Variants in N4BP2L2 observed in about 807,000 individuals in gnomAD.
The protein encoded by N4BP2L2 is NEDD4-binding protein 2-like 2.
N4BP2L2 carries 50 observed loss-of-function variants against 56.2 expected under a neutral mutation model. That is an observed-to-expected ratio of 0.89 (90% CI 0.71 to 1.13). The LOEUF (loss-of-function observed/expected upper bound fraction) is 1.13. Ranked by LOEUF, N4BP2L2 falls within the 50% of genes most tolerant of loss-of-function variation. The probability of loss-of-function intolerance (pLI) is 0.00; values close to 1 mark genes in which losing one functional copy is unlikely to be tolerated. For missense variants in N4BP2L2, 689 were observed against 693.8 expected, an observed-to-expected ratio of 0.99 and a Z score of 0.08; for synonymous variants, 203 against 223.6, an observed-to-expected ratio of 0.91 and a Z score of 0.82.
intron 6 of N4BP2L2, among the ~76,000 whole-genome samples, chr13:32,473,758 C>T (rs745945126): frequency 6.6e-6 from 1 of 152,172 alleles, no homozygotes; most frequent in African/African-American, 2.4e-5. Flanking sequence ...TGCCTTTCTC[C>T]CATAGTCACG....
Position 32,438,873 on chromosome 13 carries a change from T to A in N4BP2L2, c.2105-136A>T. 4.8e-6 allele frequency: 3 copies of A among 620,394 alleles called. No individual in the cohort carries two copies. In the South Asian group the frequency reaches 5.9e-5, roughly 12 times the overall value. 38.4% of individuals were successfully genotyped at this position (620,394 alleles called of 1,614,324 possible). Reference sequence around the variant, plus strand: ...GTTTTAAAGATATTTCGGTGATGTCTAAAGCTGGAGTTTGTCTCAGATCTC... The same window carrying A: ...GTTTTAAAGATATTTCGGTGATGTCAAAAGCTGGAGTTTGTCTCAGATCTC... On this transcript the variant is annotated intron_variant, in intron 7 of 9. Transcript: ENST00000357505.
intron 6 of N4BP2L2, among the ~76,000 whole-genome samples, chr13:32,473,726 C>T (rs890652942): frequency 4.6e-5 from 7 of 152,204 alleles, no homozygotes; most frequent in Admixed American, 3.9e-4. Context: ...ATTTTCAAAT[C>T]CAGCAACACT....
chr13:32,465,851 A>T (rs2081129421), intron 6 of N4BP2L2, among the ~76,000 whole-genome samples: 1 of 152,046 alleles, frequency 6.6e-6, no homozygotes, highest in Non-Finnish European at 1.5e-5. Context: ...ACAGGGTTTC[A>T]CCATGTTGGT....
At chr13:32,443,369 C>G in exon 7 of N4BP2L2, 1 of 1,614,022 alleles carries the variant, frequency 6.2e-7, no homozygotes. Context: ...TGAGGTCCTG[C>G]AGGCCAGCTA....
chr13:32,536,622 G>C lies in N4BP2L2; in HGVS notation c.406C>G (p.Arg136Gly), dbSNP rs202129118. Residue 136 changes from arginine (R) to glycine (G), a missense_variant, in exon 2 of 6, where the codon CGT becomes GGT. By Grantham distance (125) the Arg-to-Gly change is moderately radical. Transcript: ENST00000267068. ...TGTGCCTCATTCCTCCCTTCATTAC[G>C]TTTCTTTTTCTCAGGGGGTTTGTAA... is the stretch of plus-strand genomic sequence containing the variant. 8 of 1,613,492 alleles carry C rather than the reference G, an allele frequency of 5.0e-6. No individual in the cohort carries two copies. The South Asian group carries it at 6.6e-5, about 13-fold the overall frequency.
At chr13:32,515,748 T>A (rs1045813645) in exon 6 of N4BP2L2, 1 of 152,178 alleles carries the variant, frequency 6.6e-6, no homozygotes, top group African/African-American at 2.4e-5. Flanking sequence ...AACTAATTTT[T>A]TTTTTTGAGA....
intron 6 of N4BP2L2, among the ~76,000 whole-genome samples, chr13:32,497,694 CAGT>C (rs370008866): frequency 1.2e-3 from 190 of 152,342 alleles, no homozygotes; most frequent in African/African-American, 4.3e-3. Context: ...ATATGCCTCT[CAGT>C]AGAATGAGCC....
At chr13:32,479,623 CAAA>C (rs796450349) in intron 6 of N4BP2L2, among the ~76,000 whole-genome samples, 1 of 124,678 alleles carries the variant, frequency 8.0e-6, no homozygotes, top group Admixed American at 8.2e-5. Flanking sequence ...TCTTCAGAAG[CAAA>C]AAAAAAAAGG....
chr13:32,503,637 G>A (rs1047952726), intron 6 of N4BP2L2, among the ~76,000 whole-genome samples: 3 of 152,252 alleles, frequency 2.0e-5, no homozygotes, highest in Admixed American at 2.0e-4. Context: ...TTTAGGCAGT[G>A]TAAAGGACAA....
At chr13:32,478,350 T>A in intron 6 of N4BP2L2, 1 of 246,748 alleles carries the variant, frequency 4.1e-6, no homozygotes, top group Admixed American at 4.7e-5. Flanking sequence ...ATAACGCAAT[T>A]TCTTACCCTG....
At chr13:32,510,348 A>G (rs2091582315) in exon 6 of N4BP2L2, 1 of 152,148 alleles carries the variant, frequency 6.6e-6, no homozygotes, top group Non-Finnish European at 1.5e-5. Flanking sequence ...TTAAAATAAT[A>G]AAATATTAAA....
At chr13:32,519,034 G>C (rs1006032639) in intron 5 of N4BP2L2, among the ~76,000 whole-genome samples, 1 of 151,738 alleles carries the variant, frequency 6.6e-6, no homozygotes, top group African/African-American at 2.4e-5. Context: ...ATTTATCTTG[G>C]AAAAAGGCCA....
chr13:32,518,004 C>T lies in N4BP2L2; in HGVS notation c.1551-1G>A. Reference sequence around the variant, plus strand: ...TCGAGACACACCATGTTTATTCCTCCTAACAAAAAAGAAAAGGATTGTAAA... The same window carrying T: ...TCGAGACACACCATGTTTATTCCTCTTAACAAAAAAGAAAAGGATTGTAAA... On this transcript the variant is annotated splice_acceptor_variant, in intron 5 of 5. Transcript: ENST00000267068. LOFTEE classifies it high-confidence loss of function. 2.5e-6 allele frequency: 4 copies of T among 1,610,498 alleles called. No individual in the cohort carries two copies. The highest frequency in any genetic ancestry group is 3.4e-6 in the Non-Finnish European group (4 of 1,179,064).
chr13:32,451,437 T>C (rs2077996469), intron 6 of N4BP2L2, among the ~76,000 whole-genome samples: 1 of 152,056 alleles, frequency 6.6e-6, no homozygotes, highest in African/African-American at 2.4e-5. Context: ...TTTTAAAAGA[T>C]AAAAGATTAA....
Position 32,443,541 on chromosome 13 carries a change from TGA to T in N4BP2L2, c.949_950del (p.Ser317ThrfsTer2). The stretch of plus-strand genomic sequence containing the variant: ...GTTGATGGCACAGAATGGGTTCATG[TGA>T]GAGATTTTTATCTACTATTTCTCTC... On this transcript the variant is annotated frameshift_variant, in exon 7 of 10. Transcript: ENST00000357505. LOFTEE classifies it high-confidence loss of function. 1.2e-6 allele frequency: 2 copies of T among 1,610,580 alleles called. No individual in the cohort carries two copies. The highest frequency in any genetic ancestry group is 1.3e-5 in the African/African-American group (1 of 75,036).
chr13:32,511,606 A>G (rs2048147711), exon 6 of N4BP2L2: 2 of 152,202 alleles, frequency 1.3e-5, no homozygotes, highest in Non-Finnish European at 2.9e-5. Flanking sequence ...CTAAATGCAG[A>G]GCTGTGGTGT....
At chr13:32,508,214 G>C (rs9315168), downstream of N4BP2L2, 22,787 of 152,034 alleles carry the variant, frequency 0.15, 2,285 homozygotes, top group East Asian at 0.41. Flanking sequence ...AAATGGAGTT[G>C]GTTCAATATT....
chr13:32,469,922 G>A (rs1350700801), intron 6 of N4BP2L2, among the ~76,000 whole-genome samples: 1 of 152,194 alleles, frequency 6.6e-6, no homozygotes, highest in Non-Finnish European at 1.5e-5. Context: ...ACTGGCTGAG[G>A]TGCCTTGCTC....
At chr13:32,437,171 C>T (rs1250045722) in intron 8 of N4BP2L2, among the ~76,000 whole-genome samples, 1 of 152,118 alleles carries the variant, frequency 6.6e-6, no homozygotes, top group Non-Finnish European at 1.5e-5. Context: ...GCATGAGCCA[C>T]CACGCCTGGC....
Sources: allele counts gnomAD v4.1 joint callset (sites outside exome capture counted in the v4.1 genomes callset), GRCh38; gene constraint gnomAD v4.1.1; transcripts MANE v1.5; gene names NCBI Gene and HGNC (gene_info 2026-07-23, HGNC 2026-07-21).